Variants in ELAPOR1 observed in about 807,000 individuals in gnomAD.
The protein encoded by ELAPOR1 is endosome/lysosome-associated apoptosis and autophagy regulator 1.
Under a neutral mutation model 119.7 loss-of-function variants are expected in ELAPOR1, and 77 were observed. That is an observed-to-expected ratio of 0.64 (90% CI 0.54 to 0.78). The LOEUF is 0.78. ELAPOR1 is among the 30% of genes least tolerant of loss of function. ELAPOR1 has a pLI of 0.00. For synonymous variants in ELAPOR1, 481 were observed against 487.2 expected, an observed-to-expected ratio of 0.99 and a Z score of 0.17; for missense variants, 1,115 against 1,270.4, an observed-to-expected ratio of 0.88 and a Z score of 1.86.
chr1:109,141,727 G>A (rs1056574219), intron 1 of ELAPOR1, among the ~76,000 whole-genome samples: 14 of 151,238 alleles, frequency 9.3e-5, no homozygotes, highest in Middle Eastern at 3.5e-3. Flanking sequence ...GTGCAATGAC[G>A]CAATCATGGC....
At chr1:109,115,601 T>C (rs1647940514) in intron 1 of ELAPOR1, among the ~76,000 whole-genome samples, 1 of 152,158 alleles carries the variant, frequency 6.6e-6, no homozygotes, top group South Asian at 2.1e-4. Context: ...TATAAATTGT[T>C]AGTGTGAACT....
At chr1:109,126,468 A>T (rs141433503) in intron 1 of ELAPOR1, among the ~76,000 whole-genome samples, 2,449 of 152,286 alleles carry the variant, frequency 0.016, 57 homozygotes, top group African/African-American at 0.056. Context: ...AAATAATTCT[A>T]AAAAAGCACT....
At chr1:109,141,008 C>T (rs991067918) in intron 1 of ELAPOR1, among the ~76,000 whole-genome samples, 1 of 152,046 alleles carries the variant, frequency 6.6e-6, no homozygotes, top group Admixed American at 6.6e-5. Flanking sequence ...TGCACCACCA[C>T]ATCCAGCTAA....
At chr1:109,154,749 TC>T (rs750145564) in intron 1 of ELAPOR1, among the ~76,000 whole-genome samples, 2 of 152,222 alleles carry the variant, frequency 1.3e-5, no homozygotes, top group Admixed American at 6.5e-5. Flanking sequence ...TGACCAGTCA[TC>T]CGTGTCTTCT....
At chr1:109,172,134 GAGA>G (rs1651965169) in intron 4 of ELAPOR1, 121 bp downstream of exon 4, 15 of 1,279,740 alleles carry the variant, frequency 1.2e-5, no homozygotes, top group Non-Finnish European at 1.6e-5. Context: ...TTTCTCTCTG[GAGA>G]GAGCTGTGGG....
chr1:109,149,146 C>T (rs1253634763), intron 1 of ELAPOR1, among the ~76,000 whole-genome samples: 3 of 152,050 alleles, frequency 2.0e-5, no homozygotes. Context: ...GAGGGCGCGT[C>T]GGGCAGGCAG....
Position 109,141,669 on chromosome 1 carries a change from A to G in ELAPOR1, c.154-20225A>G, listed in dbSNP as rs187052751. The stretch of plus-strand genomic sequence containing the variant: ...GCTGGGGAGAGTAGCTGAGCACTAT[A>G]TTTTATTTCATTTTTTAGACAGAGA... On this transcript the variant is annotated intron_variant, in intron 1 of 21. Transcript: ENST00000369939. Among the ~76,000 whole-genome samples, 363 of 151,772 alleles carry G rather than the reference A, an allele frequency of 2.4e-3. 7 individuals carry two copies. The highest frequency in any genetic ancestry group is 9.6e-4 in the Non-Finnish European group (65 of 67,938).
At chr1:109,202,433 T>C (rs1340128321) in intron 21 of ELAPOR1, among the ~76,000 whole-genome samples, 6 of 149,208 alleles carry the variant, frequency 4.0e-5, no homozygotes, top group Non-Finnish European at 8.9e-5. Flanking sequence ...AACATTTTTT[T>C]AAAAGAAAAA....
rs887047603 is a variant in ELAPOR1, at chr1:109,185,076, A to G, written c.984A>G (p.Pro328=). ...GATCTTCTTCCTGTAACGTGCGCCC[A>G]GCTTGCACAGACAAAGATTATTTCT... The part of the protein sequence containing the change: ...EKGSSSCNVR[P]ACTDKDYFYT... The change falls in exon 8 of 22, where the codon CCA becomes CCG. Residue 328 remains proline, a synonymous_variant. Transcript: ENST00000369939. 6.2e-7 allele frequency: 1 copy of G among 1,614,178 alleles called. No individual in the cohort carries two copies. Among genetic ancestry groups the G allele is most frequent in the Non-Finnish European group, 8.5e-7 (1 of 1,179,994 alleles).
At chr1:109,130,175 A>C (rs1052254428) in intron 1 of ELAPOR1, among the ~76,000 whole-genome samples, 1 of 152,200 alleles carries the variant, frequency 6.6e-6, no homozygotes, top group Non-Finnish European at 1.5e-5. Context: ...TTGACTAACT[A>C]TATCTGCAAA....
chr1:109,142,047 C>T (rs928646157), intron 1 of ELAPOR1, among the ~76,000 whole-genome samples: 7 of 151,900 alleles, frequency 4.6e-5, no homozygotes, highest in African/African-American at 1.5e-4. Flanking sequence ...TGTGGAATGC[C>T]CCCATAAGCA....
chr1:109,165,508 T>A (rs931301648), intron 3 of ELAPOR1, among the ~76,000 whole-genome samples: 5 of 149,484 alleles, frequency 3.3e-5, no homozygotes, highest in Non-Finnish European at 5.9e-5. Flanking sequence ...TCGCTTGAAC[T>A]GGGAAGCGGA....
At chr1:109,197,919 T>C (rs1653928860) in intron 16 of ELAPOR1, 60 bp from the exon 17 acceptor site, 7 of 1,394,120 alleles carry the variant, frequency 5.0e-6, no homozygotes, top group Non-Finnish European at 7.1e-6. Context: ...ATTGGAAGAA[T>C]TGAAGTGGTT....
intron 15 of ELAPOR1, among the ~76,000 whole-genome samples, chr1:109,195,493 C>CA (rs55780811): frequency 0.029 from 4,146 of 140,702 alleles, 94 homozygotes; most frequent in Middle Eastern, 0.11. Context: ...GACTCCGTCT[C>CA]AAAAAAAAAA....
chr1:109,116,407 G>A (rs990449475), intron 1 of ELAPOR1, among the ~76,000 whole-genome samples: 1 of 152,208 alleles, frequency 6.6e-6, no homozygotes, highest in Admixed American at 6.5e-5. Context: ...CTCCTTCTCT[G>A]TTCAGCTTCT....
intron 1 of ELAPOR1, among the ~76,000 whole-genome samples, chr1:109,123,291 A>G (rs541047339): frequency 1.3e-5 from 2 of 152,336 alleles, no homozygotes; most frequent in South Asian, 4.1e-4. Flanking sequence ...AACCACTCCA[A>G]TGGACCTATA....
chr1:109,134,138 A>C (rs2100985660), intron 1 of ELAPOR1, among the ~76,000 whole-genome samples: 1 of 152,272 alleles, frequency 6.6e-6, no homozygotes, highest in South Asian at 2.1e-4. Context: ...CACCTGAGAA[A>C]GTGAACTTAG....
At chr1:109,156,962 G>A (rs541869709) in intron 1 of ELAPOR1, among the ~76,000 whole-genome samples, 4 of 152,182 alleles carry the variant, frequency 2.6e-5, no homozygotes, top group Admixed American at 2.6e-4. Context: ...TCAGAAGAAG[G>A]GGGGTGGACA....
intron 1 of ELAPOR1, among the ~76,000 whole-genome samples, chr1:109,142,561 G>T: frequency 6.6e-6 from 1 of 152,296 alleles, no homozygotes; most frequent in South Asian, 2.1e-4. Flanking sequence ...GTCCACAGCC[G>T]GGCACTGTCC....
Sources: gnomAD v4.1 joint callset for allele counts (sites outside exome capture counted in the v4.1 genomes callset) on GRCh38, gnomAD v4.1.1 for gene constraint, MANE v1.5 for transcripts, NCBI Gene and HGNC (gene_info 2026-07-23, HGNC 2026-07-21) for gene names.